SPMAP2L: variants seen among roughly 807,000 people sequenced by gnomAD.
The protein encoded by SPMAP2L is sperm microtubule associated protein 2 like, also known as sperm microtubule associated protein 2-like.
the SPMAP2L span, chr4:56,593,720 G>A: frequency 6.0e-4 from 941 of 1,575,074 alleles, 4 homozygotes; most frequent in African/African-American, 0.01. Context: ...AACAAGAGAC[G>A]CCACTGGGAA....
chr4:56,604,183 A>C, the SPMAP2L span, among the ~76,000 whole-genome samples: 1 of 152,180 alleles, frequency 6.6e-6, no homozygotes, highest in Admixed American at 6.5e-5. Flanking sequence ...TTGGAATCAG[A>C]TAGAACCTGA....
the SPMAP2L span, among the ~76,000 whole-genome samples, chr4:56,578,470 G>T: frequency 1.3e-5 from 2 of 151,966 alleles, no homozygotes; most frequent in Admixed American, 6.6e-5. Context: ...AACATGGCAG[G>T]CATAAATATT....
the SPMAP2L span, among the ~76,000 whole-genome samples, chr4:56,543,289 T>A: frequency 6.6e-6 from 1 of 152,236 alleles, no homozygotes; most frequent in South Asian, 2.1e-4. Flanking sequence ...TTCACCGTGT[T>A]AGCCAGGATG....
the SPMAP2L span, among the ~76,000 whole-genome samples, chr4:56,614,024 C>T: frequency 0.03 from 4,564 of 152,230 alleles, 205 homozygotes; most frequent in African/African-American, 0.095. Flanking sequence ...AGAGGGCTCT[C>T]GCTGTCTCAG....
At chr4:56,530,715 C>T in the SPMAP2L span, 1 of 1,535,298 alleles carries the variant, frequency 6.5e-7, no homozygotes, top group Non-Finnish European at 8.7e-7. Context: ...CTGCGCCGTC[C>T]GAGGTGACCG....
the SPMAP2L span, among the ~76,000 whole-genome samples, chr4:56,585,380 T>C: frequency 3.3e-5 from 5 of 152,270 alleles, no homozygotes; most frequent in Admixed American, 2.6e-4. Context: ...AAGGTCCCAC[T>C]CTGTCACCCA....
At chr4:56,587,361 T>G in the SPMAP2L span, among the ~76,000 whole-genome samples, 1 of 152,146 alleles carries the variant, frequency 6.6e-6, no homozygotes, top group African/African-American at 2.4e-5. Context: ...AGGTAGTGTT[T>G]GGTTACATGA....
chr4:56,613,156 C>T, the SPMAP2L span, among the ~76,000 whole-genome samples: 1 of 152,270 alleles, frequency 6.6e-6, no homozygotes, highest in South Asian at 2.1e-4. Context: ...CCCTTGGTAG[C>T]AGAGACATGT....
chr4:56,601,251 T>A, the SPMAP2L span: 1 of 883,516 alleles, frequency 1.1e-6, no homozygotes, highest in South Asian at 1.8e-5. Context: ...GAATTACATT[T>A]ATTGTGATAC....
chr4:56,584,079 G>A, the SPMAP2L span, among the ~76,000 whole-genome samples: 6 of 151,878 alleles, frequency 4.0e-5, no homozygotes, highest in East Asian at 5.8e-4. Flanking sequence ...TGATCCTCCC[G>A]CCTCAGCCTT....
the SPMAP2L span, among the ~76,000 whole-genome samples, chr4:56,541,385 AAC>A: frequency 6.6e-6 from 1 of 152,212 alleles, no homozygotes; most frequent in African/African-American, 2.4e-5. Flanking sequence ...TTTCATGGAA[AAC>A]AGTTTTATTA....
chr4:56,601,038 G>T, the SPMAP2L span: 1 of 1,535,350 alleles, frequency 6.5e-7, no homozygotes, highest in Non-Finnish European at 8.7e-7. Context: ...ATGCCCATTG[G>T]CCAGTATCTT....
the SPMAP2L span, among the ~76,000 whole-genome samples, chr4:56,575,266 AAAG>A: frequency 1.3e-5 from 2 of 152,124 alleles, no homozygotes; most frequent in African/African-American, 4.8e-5. Flanking sequence ...AAAAGAAAAA[AAAG>A]AAGATGTCAT....
the SPMAP2L span, among the ~76,000 whole-genome samples, chr4:56,618,228 C>A: frequency 1.3e-5 from 2 of 152,190 alleles, no homozygotes; most frequent in Non-Finnish European, 2.9e-5. Context: ...CCCTTCCCAG[C>A]ACTCCCATAT....
At chr4:56,599,425 C>T in the SPMAP2L span, among the ~76,000 whole-genome samples, 4 of 151,998 alleles carry the variant, frequency 2.6e-5, no homozygotes, top group Non-Finnish European at 4.4e-5. Flanking sequence ...GATACATGTG[C>T]GGAATGTGCA....
At chr4:56,540,152 C>A in the SPMAP2L span, among the ~76,000 whole-genome samples, 1 of 152,160 alleles carries the variant, frequency 6.6e-6, no homozygotes, top group South Asian at 2.1e-4. Flanking sequence ...TAAGACAACC[C>A]TTTGAAGTAA....
At chr4:56,604,676 A>G in the SPMAP2L span, among the ~76,000 whole-genome samples, 1 of 152,026 alleles carries the variant, frequency 6.6e-6, no homozygotes, top group East Asian at 1.9e-4. Flanking sequence ...AAAAGAAAAG[A>G]AAAGAAAAGA....
the SPMAP2L span, among the ~76,000 whole-genome samples, chr4:56,578,586 A>G: frequency 1.3e-5 from 2 of 152,174 alleles, no homozygotes; most frequent in Admixed American, 1.3e-4. Context: ...ACTCAACTAT[A>G]TGCTGTCTAC....
the SPMAP2L span, among the ~76,000 whole-genome samples, chr4:56,598,063 A>G: frequency 6.6e-6 from 1 of 152,102 alleles, no homozygotes; most frequent in Non-Finnish European, 1.5e-5. Context: ...GGGTCTCACT[A>G]TATTGCCCAG....
Sources: allele counts gnomAD v4.1 joint callset (sites outside exome capture counted in the v4.1 genomes callset), GRCh38; gene constraint gnomAD v4.1.1; transcripts MANE v1.5; gene names NCBI Gene and HGNC (gene_info 2026-07-23, HGNC 2026-07-21).